The following XIRP2 variants were observed in gnomAD, a reference collection of about 807,000 sequenced individuals.
XIRP2 encodes the protein xin actin-binding repeat-containing protein 2.
XIRP2 carries 236 observed loss-of-function variants against 277.0 expected under a neutral mutation model. The ratio of observed to expected loss-of-function variants is 0.85; its 90% CI spans 0.77 to 0.95. The LOEUF (loss-of-function observed/expected upper bound fraction) is 0.95, where lower values mean the gene tolerates loss of function less well. XIRP2 is among the 40% of genes least tolerant of loss of function. The pLI, the probability that XIRP2 is intolerant of heterozygous loss-of-function variation, is 0.00. For synonymous variants in XIRP2, 1,490 were observed against 1,416.5 expected (o/e 1.05, Z -1.17); for missense variants, 4,640 against 4,157.5 (o/e 1.12, Z -3.19).
chr2:166,914,135 A>T (rs1194975264), intron 2 of XIRP2, among the ~76,000 whole-genome samples: 1 of 152,158 alleles, frequency 6.6e-6, no homozygotes, highest in Non-Finnish European at 1.5e-5. Context: ...AGATTGAGAG[A>T]GTCGGAGGAG....
chr2:167,166,260 G>T (rs1194258728), intron 3 of XIRP2, among the ~76,000 whole-genome samples: 1 of 151,876 alleles, frequency 6.6e-6, no homozygotes, highest in Non-Finnish European at 1.5e-5. Flanking sequence ...ATATTTTTGG[G>T]AATTTTCTCA....
At chr2:167,214,273 AAG>A (rs1352530192) in intron 4 of XIRP2, among the ~76,000 whole-genome samples, 1 of 31,092 alleles carries the variant, frequency 3.2e-5, no homozygotes, top group Admixed American at 2.8e-4. Flanking sequence ...GAGAGAGAGA[AAG>A]AGAGGGAGGG....
At chr2:167,082,803 T>A (rs1689779653) in intron 2 of XIRP2, among the ~76,000 whole-genome samples, 1 of 152,194 alleles carries the variant, frequency 6.6e-6, no homozygotes, top group Non-Finnish European at 1.5e-5. Context: ...TGTTTTTTTC[T>A]TGTAAATCTG....
At chr2:167,119,315 G>T (rs780012596) in intron 2 of XIRP2, among the ~76,000 whole-genome samples, 1 of 152,130 alleles carries the variant, frequency 6.6e-6, no homozygotes, top group African/African-American at 2.4e-5. Context: ...AATTATAAAA[G>T]TATTTGAAAT....
chr2:166,936,223 T>C lies in XIRP2; in HGVS notation c.408+32333T>C, dbSNP rs567571845. ...CATAAATGTCTTCTTTTGAGAAGTG[T>C]CTGTTCATATCCTTCGCCCACTTTT... is the stretch of plus-strand genomic sequence containing the variant. On this transcript the variant is annotated intron_variant, in intron 2 of 10. Transcript: ENST00000409195. Among the ~76,000 whole-genome samples the C allele has an allele frequency of 4.3e-3, 648 of 152,352 alleles. 5 individuals are homozygous for C. The highest frequency in any genetic ancestry group is 0.014 in the African/African-American group (598 of 41,572).
chr2:167,154,870 G>C (rs1184879555), intron 3 of XIRP2, among the ~76,000 whole-genome samples: 1 of 151,994 alleles, frequency 6.6e-6, no homozygotes, highest in South Asian at 2.1e-4. Context: ...AAGAAGAAAA[G>C]AGAGAAGAAT....
At chr2:167,070,287 T>C (rs945230025) in intron 2 of XIRP2, among the ~76,000 whole-genome samples, 61 of 152,260 alleles carry the variant, frequency 4.0e-4, no homozygotes, top group African/African-American at 1.3e-3. Context: ...ATATTTGATC[T>C]TCATTCAGTA....
At chr2:166,996,257 G>A (rs1488747313) in intron 2 of XIRP2, among the ~76,000 whole-genome samples, 2 of 152,166 alleles carry the variant, frequency 1.3e-5, no homozygotes, top group East Asian at 1.9e-4. Flanking sequence ...TTGGTGAAAC[G>A]TAAAACAAGC....
intron 2 of XIRP2, among the ~76,000 whole-genome samples, chr2:166,995,027 G>A (rs1193547257): frequency 6.6e-6 from 1 of 151,790 alleles, no homozygotes; most frequent in Non-Finnish European, 1.5e-5. Context: ...GACTACAGGT[G>A]CGCACCACCT....
intron 3 of XIRP2, among the ~76,000 whole-genome samples, chr2:167,198,136 G>A (rs1175000534): frequency 6.6e-6 from 1 of 152,174 alleles, no homozygotes; most frequent in African/African-American, 2.4e-5. Context: ...CACTCCATGT[G>A]TATCATAAGC....
chr2:167,165,408 T>C (rs1288086182), intron 3 of XIRP2, among the ~76,000 whole-genome samples: 4 of 152,228 alleles, frequency 2.6e-5, no homozygotes, highest in African/African-American at 9.6e-5. Flanking sequence ...TTTAGTTTTA[T>C]AAGAAATCAC....
chr2:167,191,631 T>C (rs1459445988), intron 3 of XIRP2, among the ~76,000 whole-genome samples: 1 of 152,234 alleles, frequency 6.6e-6, no homozygotes, highest in African/African-American at 2.4e-5. Flanking sequence ...GATGACTGGC[T>C]TATTTTTAAA....
chr2:167,087,736 C>T (rs551061478), intron 2 of XIRP2, among the ~76,000 whole-genome samples: 3 of 151,606 alleles, frequency 2.0e-5, no homozygotes, highest in African/African-American at 7.3e-5. Context: ...TTCTTTGACT[C>T]GGAAAGGGAA....
At chr2:166,934,619 A>G (rs1216988650) in intron 2 of XIRP2, among the ~76,000 whole-genome samples, 2 of 152,234 alleles carry the variant, frequency 1.3e-5, no homozygotes, top group African/African-American at 4.8e-5. Context: ...TAAAATGTAC[A>G]CAAGGCACAT....
At chr2:167,161,021 A>G (rs954176313) in intron 3 of XIRP2, among the ~76,000 whole-genome samples, 3 of 152,206 alleles carry the variant, frequency 2.0e-5, no homozygotes, top group African/African-American at 7.2e-5. Flanking sequence ...GGCAAGTCCA[A>G]AATCCAGCAG....
Position 167,116,501 on chromosome 2 carries a change from C to G in XIRP2, c.409-19408C>G, listed in dbSNP as rs995713. ...GTTTATATCCTGTGTCTTTTTTCGACTTATTCTTTCAACCTACCTATGTTA... is the reference window on the plus strand; with the variant it reads ...GTTTATATCCTGTGTCTTTTTTCGAGTTATTCTTTCAACCTACCTATGTTA... On this transcript the variant is annotated intron_variant, in intron 2 of 10. Coordinates refer to ENST00000409195, the MANE Select transcript of XIRP2 (RefSeq NM_152381.6). Among the ~76,000 whole-genome samples the G allele has an allele frequency of 3.1e-3, 477 of 152,092 alleles. 4 individuals are homozygous for G. Among genetic ancestry groups the G allele is most frequent in the African/African-American group, 0.011 (454 of 41,510 alleles).
At chr2:167,114,551 G>C (rs772001249) in intron 2 of XIRP2, among the ~76,000 whole-genome samples, 1 of 151,832 alleles carries the variant, frequency 6.6e-6, no homozygotes, top group African/African-American at 2.4e-5. Context: ...CCCATTAACT[G>C]GTCATCTAGC....
intron 2 of XIRP2, among the ~76,000 whole-genome samples, chr2:166,913,861 T>G (rs940066686): frequency 6.6e-6 from 1 of 152,206 alleles, no homozygotes; most frequent in Non-Finnish European, 1.5e-5. Context: ...AGGATCCAAG[T>G]TGACAAGTAT....
chr2:167,234,954 A>G (rs1694858520), intron 5 of XIRP2, among the ~76,000 whole-genome samples: 1 of 151,922 alleles, frequency 6.6e-6, no homozygotes, highest in African/African-American at 2.4e-5. Context: ...AGTGAATAAC[A>G]ATTCACAAAA....
Sources: gnomAD v4.1 joint callset for allele counts (sites outside exome capture counted in the v4.1 genomes callset) on GRCh38, gnomAD v4.1.1 for gene constraint, MANE v1.5 for transcripts, NCBI Gene and HGNC (gene_info 2026-07-23, HGNC 2026-07-21) for gene names.